The following RBFOX1 variants were observed in gnomAD, a reference collection of about 807,000 sequenced individuals.
RBFOX1 encodes the protein RNA binding fox-1 homolog 1.
RBFOX1 carries 8 observed loss-of-function variants against 57.7 expected under a neutral mutation model. The observed-to-expected ratio is 0.14, with a 90% confidence interval of 0.08 to 0.25. RBFOX1 has a LOEUF of 0.25. Ranked by LOEUF, RBFOX1 falls within the 10% of genes least tolerant of loss-of-function variation. The pLI, the probability that RBFOX1 is intolerant of heterozygous loss-of-function variation, is 1.00. For synonymous variants in RBFOX1, 326 were observed against 222.4 expected (o/e 1.47, Z -4.15); for missense variants, 611 against 548.5 (o/e 1.11, Z -1.14).
intron 4 of RBFOX1, among the ~76,000 whole-genome samples, chr16:7,365,689 C>A (rs558160942): frequency 6.6e-5 from 10 of 152,062 alleles, no homozygotes; most frequent in Non-Finnish European, 1.5e-4. Flanking sequence ...ACTTTACTTC[C>A]CACAGTACAG....
At chr16:6,106,331 G>C (rs558029092) in intron 1 of RBFOX1, among the ~76,000 whole-genome samples, 1 of 151,784 alleles carries the variant, frequency 6.6e-6, no homozygotes, top group Non-Finnish European at 1.5e-5. Context: ...CTTGATGACA[G>C]GTGTCTGTAA....
chr16:6,708,411 A>G (rs2063146759), intron 3 of RBFOX1, among the ~76,000 whole-genome samples: 1 of 152,184 alleles, frequency 6.6e-6, no homozygotes, highest in Non-Finnish European at 1.5e-5. Context: ...GTTAAGTTCT[A>G]AAATTATAGG....
chr16:5,668,307 A>G (rs2049911815), intron 3 of RBFOX1, among the ~76,000 whole-genome samples: 1 of 152,176 alleles, frequency 6.6e-6, no homozygotes, highest in African/African-American at 2.4e-5. Context: ...CCAATTTAAA[A>G]AAAAAGAATT....
At chr16:6,944,077 C>G (rs373511849) in intron 3 of RBFOX1, among the ~76,000 whole-genome samples, 5 of 152,114 alleles carry the variant, frequency 3.3e-5, no homozygotes, top group Non-Finnish European at 7.3e-5. Flanking sequence ...AAACCTGTGG[C>G]TCAGGCCCAG....
At chr16:6,651,661 AATGAAAC>A (rs1386327638) in intron 2 of RBFOX1, among the ~76,000 whole-genome samples, 1 of 152,156 alleles carries the variant, frequency 6.6e-6, no homozygotes, top group Non-Finnish European at 1.5e-5. Flanking sequence ...TTCCTCAAAA[AATGAAAC>A]ATTGAATTAC....
intron 14 of RBFOX1, among the ~76,000 whole-genome samples, 178 bp from the exon 15 acceptor site, chr16:7,708,878 C>CA (rs1445314632): frequency 1.3e-5 from 2 of 152,044 alleles, no homozygotes; most frequent in Non-Finnish European, 2.9e-5. Context: ...GTTAAATGCA[C>CA]AAAAAATGTA....
At chr16:5,874,669 G>C (rs984996797) in intron 4 of RBFOX1, among the ~76,000 whole-genome samples, 1 of 152,188 alleles carries the variant, frequency 6.6e-6, no homozygotes, top group Non-Finnish European at 1.5e-5. Context: ...GAGCAGCTGG[G>C]CGAGGTGGTT....
At position 7,113,281 on chromosome 16, in the gene RBFOX1, A is replaced by G. The variant is rs530649892; in HGVS notation, c.27+61183A>G. 3.2e-4 allele frequency among the ~76,000 whole-genome samples: 48 copies of G among 152,296 alleles called. No individual in the cohort carries two copies. The East Asian group carries it at 8.9e-3, about 28-fold the overall frequency. ...GTGTACCTCTGAGTCATTTTGGGTA[A>G]GAGTAATGCTCTATAGTTTTTTATC... is the stretch of plus-strand genomic sequence containing the variant. On this transcript the variant is annotated intron_variant, in intron 4 of 15. Coordinates refer to ENST00000550418, the MANE Select transcript of RBFOX1 (RefSeq NM_018723.4).
chr16:5,849,415 C>T (rs1470532488), intron 3 of RBFOX1, among the ~76,000 whole-genome samples: 1 of 152,020 alleles, frequency 6.6e-6, no homozygotes, highest in Non-Finnish European at 1.5e-5. Flanking sequence ...GTGTCTGGGG[C>T]ACTGATGCAT....
intron 1 of RBFOX1, among the ~76,000 whole-genome samples, chr16:5,403,732 C>G (rs2066785173): frequency 6.6e-6 from 1 of 152,174 alleles, no homozygotes; most frequent in Non-Finnish European, 1.5e-5. Context: ...AGGCATGAGC[C>G]ACCACACCCA....
chr16:5,354,851 T>A (rs1358924148), intron 1 of RBFOX1, among the ~76,000 whole-genome samples: 1 of 152,230 alleles, frequency 6.6e-6, no homozygotes, highest in African/African-American at 2.4e-5. Flanking sequence ...TGTCACCATG[T>A]GCCAGGCAGC....
chr16:6,665,670 C>G (rs1386709401), intron 3 of RBFOX1, among the ~76,000 whole-genome samples: 1 of 150,808 alleles, frequency 6.6e-6, no homozygotes, highest in Non-Finnish European at 1.5e-5. Context: ...CTAATGAAAC[C>G]TTGACTGATA....
chr16:7,696,254 G>C (rs933651954), intron 14 of RBFOX1, among the ~76,000 whole-genome samples: 3 of 152,168 alleles, frequency 2.0e-5, no homozygotes, highest in Non-Finnish European at 4.4e-5. Context: ...GCTCTGTTGG[G>C]TATCACTTGG....
chr16:5,557,683 T>A (rs1381277890), intron 2 of RBFOX1, among the ~76,000 whole-genome samples: 1 of 152,138 alleles, frequency 6.6e-6, no homozygotes, highest in Non-Finnish European at 1.5e-5. Context: ...ACTTGTAGGC[T>A]TGTGGTGCAG....
chr16:6,046,279 A>C (rs1028054772), intron 1 of RBFOX1, among the ~76,000 whole-genome samples: 1 of 152,176 alleles, frequency 6.6e-6, no homozygotes, highest in Non-Finnish European at 1.5e-5. Context: ...TTTTTGTGAT[A>C]ACACTGACAG....
intron 3 of RBFOX1, among the ~76,000 whole-genome samples, chr16:5,632,801 G>C (rs1289966657): frequency 6.6e-6 from 1 of 152,136 alleles, no homozygotes; most frequent in Non-Finnish European, 1.5e-5. Context: ...TCAAACCTGT[G>C]AGGTAGGTAC....
At chr16:5,384,550 C>A (rs976703382) in intron 1 of RBFOX1, among the ~76,000 whole-genome samples, 11 of 152,094 alleles carry the variant, frequency 7.2e-5, no homozygotes, top group Non-Finnish European at 2.9e-5. Context: ...CAAGGTAGAG[C>A]ATATTAAGAG....
At chr16:6,788,072 A>C (rs1415227385) in intron 3 of RBFOX1, among the ~76,000 whole-genome samples, 1 of 151,988 alleles carries the variant, frequency 6.6e-6, no homozygotes, top group Non-Finnish European at 1.5e-5. Flanking sequence ...AAAATACAAA[A>C]TTTGGCAGGT....
chr16:7,278,524 T>G (rs1365075321), intron 4 of RBFOX1, among the ~76,000 whole-genome samples: 3 of 152,240 alleles, frequency 2.0e-5, no homozygotes, highest in African/African-American at 7.2e-5. Flanking sequence ...AGAAAGTGTA[T>G]TCATCCTTTT....
Sources: allele counts gnomAD v4.1 joint callset (sites outside exome capture counted in the v4.1 genomes callset), GRCh38; gene constraint gnomAD v4.1.1; transcripts MANE v1.5; gene names NCBI Gene and HGNC (gene_info 2026-07-23, HGNC 2026-07-21).